Variants in SESN2 observed in about 807,000 individuals in gnomAD.
The protein encoded by SESN2 is sestrin 2.
A neutral mutation model predicts 56.0 loss-of-function variants in SESN2; 42 were observed. That is an observed-to-expected ratio of 0.75 (90% confidence interval 0.59 to 0.97). SESN2 has a LOEUF of 0.97. Ranked by LOEUF, SESN2 falls within the 50% of genes least tolerant of loss-of-function variation. The pLI is 0.00. For missense variants in SESN2, 507 were observed against 649.4 expected (o/e 0.78, Z 2.38); for synonymous variants, 264 against 267.1 (o/e 0.99, Z 0.11).
At chr1:28,260,376 G>A (rs545649095) in intron 1 of SESN2, among the ~76,000 whole-genome samples, 7 of 152,192 alleles carry the variant, frequency 4.6e-5, no homozygotes, top group African/African-American at 7.2e-5. Flanking sequence ...CGCGGGGGCC[G>A]GCGGGCAGAG....
At chr1:28,265,797 G>T (rs954634962) in intron 1 of SESN2, among the ~76,000 whole-genome samples, 1 of 151,958 alleles carries the variant, frequency 6.6e-6, no homozygotes, top group Non-Finnish European at 1.5e-5. Context: ...AAGTACCGGG[G>T]TTACAGGTGT....
chr1:28,279,957 G>A (rs1648177045), intron 9 of SESN2, among the ~76,000 whole-genome samples: 1 of 151,964 alleles, frequency 6.6e-6, no homozygotes, highest in South Asian at 2.1e-4. Context: ...AGGCTCAAGT[G>A]TCCTCCCAAC....
intron 9 of SESN2, among the ~76,000 whole-genome samples, chr1:28,279,836 C>T (rs935295370): frequency 6.6e-6 from 1 of 151,342 alleles, no homozygotes; most frequent in Non-Finnish European, 1.5e-5. Context: ...GTCATCGTGC[C>T]TGGCCTCTCT....
intron 1 of SESN2, among the ~76,000 whole-genome samples, chr1:28,265,209 G>A (rs1033838596): frequency 5.3e-5 from 8 of 152,216 alleles, no homozygotes; most frequent in African/African-American, 1.9e-4. Flanking sequence ...GAATTGGGCA[G>A]GGAGGGCTGA....
At chr1:28,270,482 G>A (rs999490036) in intron 2 of SESN2, among the ~76,000 whole-genome samples, 8 of 151,984 alleles carry the variant, frequency 5.3e-5, no homozygotes, top group East Asian at 1.9e-4. Flanking sequence ...AATATAAGGC[G>A]AACAACCACT....
chr1:28,259,909 G>A lies in SESN2; in HGVS notation c.62G>A (p.Gly21Asp), dbSNP rs1381469393. The A allele has an allele frequency of 1.6e-5, 23 of 1,474,396 alleles. No homozygotes were observed. Among genetic ancestry groups the A allele is most frequent in the Non-Finnish European group, 2.0e-5 (22 of 1,117,618 alleles). 91.3% of individuals were successfully genotyped at this position (1,474,396 alleles called of 1,614,324 possible). The change falls in exon 1 of 10, where the codon GGC (glycine) becomes GAC (aspartate). Residue 21 changes from glycine (G) to aspartate (D), a missense_variant. By Grantham distance (94) the Gly-to-Asp change is moderately conservative (BLOSUM62 -1). Coordinates refer to ENST00000253063, the MANE Select transcript of SESN2 (RefSeq NM_031459.5). ...AAGGACTACCTGCGGTTCGCCCCGG[G>A]CGGCGTCGGCGACTCGGGCCCCGGA... ...ELKDYLRFAP[G>D]GVGDSGPGEE...
Position 28,274,151 on chromosome 1 carries a change from G to A in SESN2, c.1013G>A (p.Arg338Gln), listed in dbSNP as rs368191829. The A allele has an allele frequency of 2.3e-5, 37 of 1,602,996 alleles. No individual in the cohort carries two copies. Among genetic ancestry groups the A allele is most frequent in the Middle Eastern group, 1.7e-4 (1 of 6,058 alleles). ...RRGAQAPPTF[R>Q]AQDYTWEDHG... ...GGGGCTCAGGCACCCCCTACCTTCCGGGCCCAGGTAGGGCTCTCTCTACTA... is the reference window on the plus strand; with the variant it reads ...GGGGCTCAGGCACCCCCTACCTTCCAGGCCCAGGTAGGGCTCTCTCTACTA... Residue 338 changes from arginine (R) to glutamine (Q), a missense_variant, in exon 7 of 10, where the codon CGG becomes CAG. By Grantham distance (43) the Arg-to-Gln change is conservative. Transcript: ENST00000253063.
At chr1:28,271,011 G>A (rs530562152) in intron 2 of SESN2, among the ~76,000 whole-genome samples, 200 of 152,216 alleles carry the variant, frequency 1.3e-3, no homozygotes, top group African/African-American at 4.2e-3. Flanking sequence ...GTGGGACCCC[G>A]TCTGTATTAA....
At chr1:28,267,994 AG>A (rs2149037328) in intron 1 of SESN2, among the ~76,000 whole-genome samples, 1 of 152,346 alleles carries the variant, frequency 6.6e-6, no homozygotes, top group South Asian at 2.1e-4. Flanking sequence ...GGCCAGAAAA[AG>A]GTTCCTAGAC....
chr1:28,279,545 G>T (rs1648162672), intron 9 of SESN2, among the ~76,000 whole-genome samples: 1 of 151,260 alleles, frequency 6.6e-6, no homozygotes, highest in Admixed American at 6.6e-5. Context: ...ATCTCGCTGA[G>T]TTTTTTTGTT....
In SESN2 at chr1:28,272,345, C is replaced by T. The variant is rs1240738574; in HGVS notation, c.416C>T (p.Thr139Ile). The T allele has an allele frequency of 1.9e-6, 3 of 1,614,004 alleles. No homozygotes were observed. The highest frequency in any genetic ancestry group is 2.5e-6 in the Non-Finnish European group (3 of 1,180,032). ...VGSHMAEFLQTGGDPEWLLGL... is the reference protein window; with the variant it reads ...VGSHMAEFLQIGGDPEWLLGL... ...TCCCACATGGCCGAGTTTCTGCAGA[C>T]TGGTGGTGACCCTGAGTGGCTGCTG... Residue 139 changes from threonine to isoleucine, a missense_variant, in exon 4 of 10, where the codon ACT becomes ATT. By Grantham distance (89) the Thr-to-Ile change is moderately conservative. Transcript: ENST00000253063.
intron 7 of SESN2, 46 bp from the exon 8 acceptor site, chr1:28,274,779 G>A: frequency 6.8e-7 from 1 of 1,460,980 alleles, no homozygotes; most frequent in Non-Finnish European, 9.4e-7. Context: ...CTCTCTGGCT[G>A]GTCTTGGGCT....
rs923037810 is a variant in SESN2 at position 28,259,767 on chromosome 1, C to T, written c.-81C>T. On this transcript the variant is annotated 5_prime_UTR_variant, in exon 1 of 10. Transcript: ENST00000253063. The stretch of plus-strand genomic sequence containing the variant: ...GAAGCTCCCCGGCGGCGCCCAGTCC[C>T]GGCTTCATTCGGGCGTCCCTCCGAA... 3 of 1,133,970 alleles carry T rather than the reference C, an allele frequency of 2.6e-6. No individual in the cohort carries two copies. Among genetic ancestry groups the T allele is most frequent in the Admixed American group, 4.1e-5 (1 of 24,656 alleles). 70.2% of individuals were successfully genotyped at this position (1,133,970 alleles called of 1,614,324 possible).
Position 28,273,516 on chromosome 1 carries a change from G to A in SESN2, c.901+8G>A, listed in dbSNP as rs373698755. The A allele has an allele frequency of 8.7e-5, 138 of 1,582,624 alleles. 1 individual carries two copies. The African/African-American group carries it at 1.8e-3, about 20-fold the overall frequency. On this transcript the variant is annotated splice_region_variant and intron_variant, in intron 6 of 9. Coordinates refer to ENST00000253063, the MANE Select transcript of SESN2 (RefSeq NM_031459.5). ...TGCTGGTGACCCCCTCAGGTACAGG[G>A]TCACAGGCATCCAGGCTCCCGTGGC...
chr1:28,260,348 G>A (rs966021983), intron 1 of SESN2, among the ~76,000 whole-genome samples: 1 of 152,028 alleles, frequency 6.6e-6, no homozygotes, highest in Non-Finnish European at 1.5e-5. Context: ...GCCCCCTTCC[G>A]CGGAGTCCCT....
intron 1 of SESN2, among the ~76,000 whole-genome samples, chr1:28,263,098 C>T (rs1553171547): frequency 6.6e-6 from 1 of 152,320 alleles, no homozygotes; most frequent in South Asian, 2.1e-4. Flanking sequence ...CTGCAAGTCT[C>T]ATCCCCAGCA....
chr1:28,278,867 T>G (rs562944029), intron 8 of SESN2, among the ~76,000 whole-genome samples: 3 of 152,352 alleles, frequency 2.0e-5, no homozygotes, highest in African/African-American at 7.2e-5. Context: ...TAGTTGGTAT[T>G]CAATACAGCA....
chr1:28,270,729 C>T (rs914460462), intron 2 of SESN2, among the ~76,000 whole-genome samples: 3 of 152,168 alleles, frequency 2.0e-5, no homozygotes, highest in South Asian at 2.1e-4. Flanking sequence ...TGAGCCACCA[C>T]GCCCAGCTAA....
At position 28,280,847 on chromosome 1, in the gene SESN2, T is replaced by C; in HGVS notation, c.*45T>C. 1.4e-6 allele frequency: 2 copies of C among 1,474,364 alleles called. No homozygotes were observed. Among genetic ancestry groups the C allele is most frequent in the Non-Finnish European group, 1.9e-6 (2 of 1,055,976 alleles). 91.3% of individuals were successfully genotyped at this position (1,474,364 alleles called of 1,614,324 possible). A position where few individuals can be genotyped will look rare whatever the true frequency, so the allele number is the denominator to read the frequency against. Reference sequence around the variant, plus strand: ...CCCGGTTCAGCTCCCCACAAGGACTTCTCTGTCTGGAGACAGCCCCAGACC... The same window carrying C: ...CCCGGTTCAGCTCCCCACAAGGACTCCTCTGTCTGGAGACAGCCCCAGACC... On this transcript the variant is annotated 3_prime_UTR_variant, in exon 10 of 10. Transcript: ENST00000253063.
Sources: allele counts gnomAD v4.1 joint callset (sites outside exome capture counted in the v4.1 genomes callset), GRCh38; gene constraint gnomAD v4.1.1; transcripts MANE v1.5; gene names NCBI Gene and HGNC (gene_info 2026-07-23, HGNC 2026-07-21).